SNX7: variants seen among roughly 807,000 people sequenced by gnomAD.
SNX7 encodes sorting nexin 7, also known as sorting nexin-7.
In SNX7, 35 loss-of-function variants were observed where a neutral mutation model predicts 48.4. The observed-to-expected ratio is 0.72, with a 90% CI of 0.55 to 0.96. The LOEUF (loss-of-function observed/expected upper bound fraction) is 0.96, where lower values mean the gene tolerates loss of function less well. Ranked by LOEUF, SNX7 falls within the 40% of genes least tolerant of loss-of-function variation. The probability of loss-of-function intolerance (pLI) is 0.00; values close to 1 mark genes in which losing one functional copy is unlikely to be tolerated. For synonymous variants in SNX7, 190 were observed against 190.2 expected, an observed-to-expected ratio of 1.00 and a Z score of 0.01; for missense variants, 553 against 548.9, an observed-to-expected ratio of 1.01 and a Z score of -0.07.
rs139652652 is a variant in SNX7 at position 98,731,512 on chromosome 1, C to T, written c.1126-6725C>T. ...ATTTTTCATGTCAAACTTTCCATAA[C>T]TCAATTACTATACAGTCATATGTTA... On this transcript the variant is annotated intron_variant, in intron 7 of 8. Transcript: ENST00000306121. Among the ~76,000 whole-genome samples, 85 of 152,186 alleles carry T rather than the reference C, an allele frequency of 5.6e-4. No homozygotes were observed. The East Asian group carries it at 0.013, about 23-fold the overall frequency.
intron 7 of SNX7, among the ~76,000 whole-genome samples, chr1:98,732,356 G>A (rs1230317971): frequency 6.6e-6 from 1 of 152,058 alleles, no homozygotes; most frequent in Non-Finnish European, 1.5e-5. Context: ...AGTATTTATA[G>A]GGGAAAAGTG....
chr1:98,760,032 A>T (rs772331852), intron 8 of SNX7, 22 bp from the exon 9 acceptor site: 1 of 1,472,864 alleles, frequency 6.8e-7, no homozygotes, highest in South Asian at 1.1e-5. Context: ...TGATTGCCTC[A>T]TGGTGTGTTT....
At chr1:98,682,724 A>T (rs1014411443) in intron 1 of SNX7, among the ~76,000 whole-genome samples, 1 of 152,172 alleles carries the variant, frequency 6.6e-6, no homozygotes, top group Non-Finnish European at 1.5e-5. Flanking sequence ...CTCTAGTGTT[A>T]TGAAATGTCA....
chr1:98,743,515 G>GA (rs1487236881), intron 8 of SNX7, among the ~76,000 whole-genome samples: 2 of 151,828 alleles, frequency 1.3e-5, no homozygotes, highest in African/African-American at 4.8e-5. Context: ...TTGAGGAAAA[G>GA]AAAAAAATCG....
chr1:98,740,621 C>T (rs1490675664), intron 8 of SNX7, among the ~76,000 whole-genome samples: 2 of 151,860 alleles, frequency 1.3e-5, no homozygotes, highest in South Asian at 2.1e-4. Flanking sequence ...GGGTTTTTAC[C>T]GTACTTCTCA....
At chr1:98,677,918 T>G (rs2100925793) in intron 1 of SNX7, among the ~76,000 whole-genome samples, 1 of 151,952 alleles carries the variant, frequency 6.6e-6, no homozygotes, top group Admixed American at 6.6e-5. Flanking sequence ...ATCATTCTAA[T>G]TTGTGAACTC....
chr1:98,678,888 C>G (rs1650320960), intron 1 of SNX7, among the ~76,000 whole-genome samples: 1 of 152,034 alleles, frequency 6.6e-6, no homozygotes, highest in African/African-American at 2.4e-5. Flanking sequence ...TAAAAAATAG[C>G]AGTATACATA....
chr1:98,732,119 G>A (rs1175043101), intron 7 of SNX7, among the ~76,000 whole-genome samples: 2 of 152,136 alleles, frequency 1.3e-5, no homozygotes, highest in African/African-American at 4.8e-5. Flanking sequence ...TTAATTTGGA[G>A]ACCGTCTGCT....
At chr1:98,752,596 A>G (rs1654642298) in intron 8 of SNX7, among the ~76,000 whole-genome samples, 1 of 151,986 alleles carries the variant, frequency 6.6e-6, no homozygotes, top group South Asian at 2.1e-4. Flanking sequence ...AGAAACCAAG[A>G]TATCAGTTGG....
At chr1:98,744,511 G>T (rs780612183) in intron 8 of SNX7, among the ~76,000 whole-genome samples, 1 of 151,924 alleles carries the variant, frequency 6.6e-6, no homozygotes, top group East Asian at 1.9e-4. Flanking sequence ...TCAAATGAGA[G>T]TAGGTATGAG....
chr1:98,694,962 T>C (rs1319223621), intron 4 of SNX7, among the ~76,000 whole-genome samples: 1 of 152,046 alleles, frequency 6.6e-6, no homozygotes, highest in East Asian at 1.9e-4. Context: ...TTTTCTTCTG[T>C]AAAATGAGGA....
intron 8 of SNX7, among the ~76,000 whole-genome samples, chr1:98,751,247 G>A (rs1299929989): frequency 6.6e-6 from 1 of 151,904 alleles, no homozygotes; most frequent in Non-Finnish European, 1.5e-5. Flanking sequence ...TCTGCTTGTG[G>A]GATTACTACC....
intron 8 of SNX7, among the ~76,000 whole-genome samples, chr1:98,751,654 G>C (rs773949543): frequency 6.6e-6 from 1 of 152,062 alleles, no homozygotes; most frequent in East Asian, 1.9e-4. Context: ...CTAATTGCAT[G>C]TATAGCATAT....
At chr1:98,688,253 A>C (rs1287922973) in intron 2 of SNX7, among the ~76,000 whole-genome samples, 2 of 152,214 alleles carry the variant, frequency 1.3e-5, no homozygotes, top group Non-Finnish European at 2.9e-5. Flanking sequence ...ATTTAGGAAT[A>C]CTTAAGAATG....
chr1:98,702,185 A>G (rs1651786671), intron 7 of SNX7, among the ~76,000 whole-genome samples: 2 of 152,174 alleles, frequency 1.3e-5, no homozygotes, highest in African/African-American at 2.4e-5. Context: ...AGAAGAAAGT[A>G]TGAAAGGCAA....
intron 7 of SNX7, among the ~76,000 whole-genome samples, chr1:98,731,210 A>G (rs577257259): frequency 1.3e-5 from 2 of 149,168 alleles, no homozygotes; most frequent in Non-Finnish European, 3.0e-5. Flanking sequence ...ACTGTTTTTT[A>G]TAAGAATAAA....
intron 6 of SNX7, among the ~76,000 whole-genome samples, chr1:98,699,299 C>G (rs1468220874): frequency 6.6e-6 from 1 of 152,076 alleles, no homozygotes; most frequent in East Asian, 1.9e-4. Flanking sequence ...TATTTAGTAC[C>G]ATTATGTAGA....
intron 8 of SNX7, among the ~76,000 whole-genome samples, chr1:98,744,078 T>G (rs1654201894): frequency 6.6e-6 from 1 of 152,078 alleles, no homozygotes; most frequent in South Asian, 2.1e-4. Flanking sequence ...GACTTAATTC[T>G]GATTAACAAA....
intron 5 of SNX7, among the ~76,000 whole-genome samples, chr1:98,697,794 G>A (rs1356927352): frequency 6.6e-6 from 1 of 152,106 alleles, no homozygotes; most frequent in Non-Finnish European, 1.5e-5. Flanking sequence ...TAAGCTCATT[G>A]AGGGCCAAAG....
Sources: allele counts gnomAD v4.1 joint callset (sites outside exome capture counted in the v4.1 genomes callset), GRCh38; gene constraint gnomAD v4.1.1; transcripts MANE v1.5; gene names NCBI Gene and HGNC (gene_info 2026-07-23, HGNC 2026-07-21).